PTPRK: variants seen among roughly 807,000 people sequenced by gnomAD.
PTPRK encodes the protein receptor-type tyrosine-protein phosphatase kappa.
In PTPRK, 75 loss-of-function variants were observed where a neutral mutation model predicts 178.0. The ratio of observed to expected loss-of-function variants is 0.42; its 90% confidence interval spans 0.35 to 0.51. PTPRK has a LOEUF of 0.51. Among genes scored for constraint, PTPRK ranks in the 20% least tolerant of loss-of-function variants. The pLI is 0.02. For synonymous variants in PTPRK, 637 were observed against 620.6 expected (o/e 1.03, Z -0.39); for missense variants, 1,441 against 1,797.8 (o/e 0.80, Z 3.59).
intron 13 of PTPRK, among the ~76,000 whole-genome samples, chr6:128,019,012 A>G (rs944908974): frequency 2.0e-5 from 3 of 152,188 alleles, no homozygotes; most frequent in Non-Finnish European, 4.4e-5. Flanking sequence ...TATTAGCATC[A>G]TACTGCAATA....
intron 18 of PTPRK, chr6:127,995,230 T>C (rs560892112): frequency 6.3e-7 from 1 of 1,591,014 alleles, no homozygotes; most frequent in East Asian, 2.3e-5. Flanking sequence ...TGCTGTTATT[T>C]ACATATAGTG....
At chr6:128,223,608 T>C (rs1228735715) in intron 5 of PTPRK, among the ~76,000 whole-genome samples, 3 of 152,126 alleles carry the variant, frequency 2.0e-5, no homozygotes, top group African/African-American at 7.2e-5. Context: ...TTTCTTGAAA[T>C]AAAATAACAA....
At chr6:128,197,391 C>A (rs1352450679) in intron 6 of PTPRK, among the ~76,000 whole-genome samples, 5 of 151,582 alleles carry the variant, frequency 3.3e-5, no homozygotes, top group African/African-American at 7.3e-5. Flanking sequence ...GAACAAATGT[C>A]AAGATACTAA....
intron 1 of PTPRK, chr6:128,518,852 GTTGT>G (rs1268769095): frequency 3.0e-5 from 11 of 369,380 alleles, no homozygotes; most frequent in Non-Finnish European, 5.9e-5. Flanking sequence ...ACCTGAATCT[GTTGT>G]TTAACTCCCT....
intron 7 of PTPRK, among the ~76,000 whole-genome samples, chr6:128,170,642 C>T (rs2114643233): frequency 6.6e-6 from 1 of 152,124 alleles, no homozygotes. Context: ...AAATTAACAA[C>T]TGTTGTTACC....
chr6:128,389,263 C>T (rs1304074623), intron 2 of PTPRK, among the ~76,000 whole-genome samples: 1 of 151,936 alleles, frequency 6.6e-6, no homozygotes, highest in East Asian at 1.9e-4. Context: ...GATTTTAAAG[C>T]ATCTTTTATA....
intron 6 of PTPRK, among the ~76,000 whole-genome samples, chr6:128,213,533 C>T (rs1808642826): frequency 6.6e-6 from 1 of 152,002 alleles, no homozygotes; most frequent in African/African-American, 2.4e-5. Flanking sequence ...TTCCAAACTT[C>T]CTGTCAAGAT....
intron 7 of PTPRK, among the ~76,000 whole-genome samples, chr6:128,093,850 C>A: frequency 6.6e-6 from 1 of 151,456 alleles, no homozygotes; most frequent in African/African-American, 2.4e-5. Context: ...AAGGAGCTTC[C>A]ATTTGTTTAT....
intron 1 of PTPRK, among the ~76,000 whole-genome samples, chr6:128,436,558 G>T (rs1039053630): frequency 6.6e-6 from 1 of 151,892 alleles, no homozygotes; most frequent in Non-Finnish European, 1.5e-5. Context: ...AAAAGGTGCA[G>T]TGGCGCTAAA....
intron 7 of PTPRK, among the ~76,000 whole-genome samples, chr6:128,124,353 C>A (rs1011404840): frequency 2.6e-5 from 4 of 152,086 alleles, no homozygotes; most frequent in African/African-American, 9.7e-5. Context: ...AGGCCCTATT[C>A]ATTAATTCTT....
chr6:128,354,231 G>GTTTTTGTT lies in PTPRK; in HGVS notation c.224-31922_224-31921insAACAAAAA, dbSNP rs1554232740. 2.2e-4 allele frequency among the ~76,000 whole-genome samples: 11 copies of GTTTTTGTT among 49,370 alleles called. 1 individual carries two copies. The highest frequency in any genetic ancestry group is 9.7e-5 in the Non-Finnish European group (3 of 30,864). The allele number at this position is 49,370 out of a possible 152,430, so 32.4% of individuals were successfully genotyped here. On this transcript the variant is annotated intron_variant, in intron 2 of 29. Coordinates refer to ENST00000368226, the MANE Select transcript of PTPRK (RefSeq NM_002844.4). ...ACATGTATTTTGGTTTTTTGTTTAT[G>GTTTTTGTT]TTTTTTTTTTTTTTTTTTTTTTTTG... is the stretch of plus-strand genomic sequence containing the variant.
At chr6:128,108,613 T>C (rs1167142196) in intron 7 of PTPRK, among the ~76,000 whole-genome samples, 1 of 152,168 alleles carries the variant, frequency 6.6e-6, no homozygotes, top group Non-Finnish European at 1.5e-5. Context: ...AACAATATTC[T>C]CTTTAACACT....
intron 1 of PTPRK, among the ~76,000 whole-genome samples, chr6:128,422,676 CAAAAAA>C (rs750423577): frequency 2.4e-3 from 35 of 14,710 alleles, no homozygotes; most frequent in Non-Finnish European, 4.3e-3. Flanking sequence ...TTCACGGACG[CAAAAAA>C]AAAAAAAAAA....
At chr6:128,082,341 G>T in intron 10 of PTPRK, 96 bp downstream of exon 10, 1 of 1,156,878 alleles carries the variant, frequency 8.6e-7, no homozygotes, top group Admixed American at 1.8e-5. Flanking sequence ...CAACAAGCAA[G>T]ATGAACTACA....
rs553558152 is a variant in PTPRK at position 128,268,491 on chromosome 6, G to A, written c.496-25889C>T. 5.9e-4 allele frequency among the ~76,000 whole-genome samples: 89 copies of A among 152,002 alleles called. 1 individual carries two copies. Among genetic ancestry groups the A allele is most frequent in the African/African-American group, 2.0e-3 (83 of 41,512 alleles). ...AGCTATTAGAAATGCTTATGATTTC[G>A]CCTTTCTTGGGAATGGGGTCCTTAT... On this transcript the variant is annotated intron_variant, in intron 3 of 29. Coordinates refer to ENST00000368226, the MANE Select transcript of PTPRK (RefSeq NM_002844.4).
At chr6:128,489,968 G>A (rs1200250676) in intron 1 of PTPRK, among the ~76,000 whole-genome samples, 2 of 152,030 alleles carry the variant, frequency 1.3e-5, no homozygotes, top group African/African-American at 2.4e-5. Flanking sequence ...TGAAGCTTAA[G>A]TGTCTACGAA....
intron 7 of PTPRK, among the ~76,000 whole-genome samples, chr6:128,135,251 CCT>C (rs1311391307): frequency 6.6e-6 from 1 of 152,128 alleles, no homozygotes. Flanking sequence ...TGTGGGGTTT[CCT>C]TTTTTCCACT....
At chr6:128,446,318 G>T (rs1254913540) in intron 1 of PTPRK, among the ~76,000 whole-genome samples, 1 of 152,138 alleles carries the variant, frequency 6.6e-6, no homozygotes. Flanking sequence ...AGAAGTCATG[G>T]ATTCCAAATG....
At chr6:128,432,569 C>T (rs1156762850) in intron 1 of PTPRK, among the ~76,000 whole-genome samples, 1 of 152,132 alleles carries the variant, frequency 6.6e-6, no homozygotes, top group Non-Finnish European at 1.5e-5. Flanking sequence ...AAAAATATGC[C>T]TATGTCCCTG....
Sources: gnomAD v4.1 joint callset for allele counts (sites outside exome capture counted in the v4.1 genomes callset) on GRCh38, gnomAD v4.1.1 for gene constraint, MANE v1.5 for transcripts, NCBI Gene and HGNC (gene_info 2026-07-23, HGNC 2026-07-21) for gene names.